Variants in FGF12 observed in about 807,000 individuals in gnomAD.
FGF12 encodes the protein fibroblast growth factor 12.
In FGF12, 14 loss-of-function variants were observed where a neutral mutation model predicts 23.6. The observed-to-expected ratio is 0.59, with a 90% confidence interval of 0.39 to 0.93. The LOEUF (loss-of-function observed/expected upper bound fraction) is 0.93, where lower values mean the gene tolerates loss of function less well. Among genes scored for constraint, FGF12 ranks in the 40% least tolerant of loss-of-function variants. The pLI, the probability that FGF12 is intolerant of heterozygous loss-of-function variation, is 0.00. For synonymous variants in FGF12, 62 were observed against 77.3 expected (o/e 0.80, Z 1.04); for missense variants, 175 against 217.8 (o/e 0.80, Z 1.24).
chr3:192,219,799 C>A (rs933152992), intron 4 of FGF12, among the ~76,000 whole-genome samples: 2 of 152,214 alleles, frequency 1.3e-5, no homozygotes, highest in Admixed American at 6.5e-5. Flanking sequence ...GTAGACCCTG[C>A]ACATCTCTAT....
At chr3:192,222,126 C>T (rs1718505456) in intron 4 of FGF12, among the ~76,000 whole-genome samples, 2 of 151,896 alleles carry the variant, frequency 1.3e-5, no homozygotes, top group African/African-American at 2.4e-5. Flanking sequence ...AAGTGGGAGA[C>T]GAGACTGTAA....
At chr3:192,248,830 C>A (rs1189593936) in intron 4 of FGF12, among the ~76,000 whole-genome samples, 1 of 152,094 alleles carries the variant, frequency 6.6e-6, no homozygotes, top group South Asian at 2.1e-4. Context: ...CTTTAGAAAG[C>A]ATTTTATTTT....
intron 4 of FGF12, among the ~76,000 whole-genome samples, chr3:192,311,923 G>GTCAGTCTATCTA (rs1715959148): frequency 7.9e-6 from 1 of 126,790 alleles, no homozygotes; most frequent in Non-Finnish European, 1.7e-5. Context: ...GCTATTGACT[G>GTCAGTCTATCTA]TCTGTCTATC....
At chr3:192,172,746 G>A (rs570722977) in intron 4 of FGF12, among the ~76,000 whole-genome samples, 1 of 150,800 alleles carries the variant, frequency 6.6e-6, no homozygotes, top group African/African-American at 2.4e-5. Context: ...GCCTCAAAAG[G>A]TTAAACATAC....
chr3:192,668,558 C>G (rs147236974), intron 2 of FGF12, among the ~76,000 whole-genome samples: 1 of 152,102 alleles, frequency 6.6e-6, no homozygotes, highest in Non-Finnish European at 1.5e-5. Context: ...TCGGCTTCTG[C>G]TGGTTTTCTG....
chr3:192,550,103 GTA>G (rs900535457), intron 2 of FGF12, among the ~76,000 whole-genome samples: 71 of 151,138 alleles, frequency 4.7e-4, no homozygotes, highest in African/African-American at 1.6e-3. Flanking sequence ...GTGTGAGTGT[GTA>G]TATATATATG....
chr3:192,350,344 T>C (rs921385393), intron 3 of FGF12, among the ~76,000 whole-genome samples: 2 of 152,022 alleles, frequency 1.3e-5, no homozygotes, highest in African/African-American at 4.8e-5. Context: ...TAAGCAAGTA[T>C]AGGATAGAAT....
chr3:192,639,156 T>C (rs577441680), intron 2 of FGF12, among the ~76,000 whole-genome samples: 2 of 152,116 alleles, frequency 1.3e-5, no homozygotes, highest in Non-Finnish European at 2.9e-5. Context: ...GAATAGACAT[T>C]TCTCCAAAGA....
At position 192,143,846 on chromosome 3, in the gene FGF12, T is replaced by C. The variant is rs1315797473; in HGVS notation, c.*163A>G. 5.6e-6 allele frequency: 3 copies of C among 535,124 alleles called. No homozygotes were observed. Among genetic ancestry groups the C allele is most frequent in the Non-Finnish European group, 1.0e-5 (3 of 300,018 alleles). 33.1% of individuals were successfully genotyped at this position (535,124 alleles called of 1,614,324 possible). On this transcript the variant is annotated 3_prime_UTR_variant, in exon 6 of 6. Transcript: ENST00000445105. ...CAAGCAAGCTTTGGTTCAATTTTCT[T>C]GTCCTACACAAAGGAAGATTTTGAG... is the stretch of plus-strand genomic sequence containing the variant.
At chr3:192,357,666 T>C (rs572609100) in intron 3 of FGF12, among the ~76,000 whole-genome samples, 2 of 152,284 alleles carry the variant, frequency 1.3e-5, no homozygotes, top group South Asian at 4.1e-4. Flanking sequence ...GCTTACTATG[T>C]ATTACAGACC....
At chr3:192,647,667 A>G (rs1056618033) in intron 2 of FGF12, among the ~76,000 whole-genome samples, 1 of 150,440 alleles carries the variant, frequency 6.6e-6, no homozygotes, top group Non-Finnish European at 1.5e-5. Flanking sequence ...GTTTAGAGAA[A>G]TGAAGATACA....
At chr3:192,164,568 G>A (rs1232534372) in intron 5 of FGF12, among the ~76,000 whole-genome samples, 2 of 152,066 alleles carry the variant, frequency 1.3e-5, no homozygotes, top group African/African-American at 2.4e-5. Flanking sequence ...ACACCAGCAG[G>A]ACTGGGATAA....
intron 4 of FGF12, among the ~76,000 whole-genome samples, chr3:192,285,952 C>T (rs377712775): frequency 3.8e-4 from 58 of 152,078 alleles, no homozygotes; most frequent in African/African-American, 1.2e-3. Context: ...CTGTCCCTGA[C>T]GAGACTGCAG....
chr3:192,273,547 A>G (rs1248265027), intron 4 of FGF12, among the ~76,000 whole-genome samples: 14 of 152,102 alleles, frequency 9.2e-5, no homozygotes, highest in Admixed American at 9.2e-4. Flanking sequence ...GTCACGCAGC[A>G]TCTCTTGGCA....
At chr3:192,546,229 T>C (rs1725490861) in intron 2 of FGF12, among the ~76,000 whole-genome samples, 1 of 152,152 alleles carries the variant, frequency 6.6e-6, no homozygotes, top group Non-Finnish European at 1.5e-5. Context: ...GAATGCCTCA[T>C]TATAGAGTAT....
rs1445475372 is a variant in FGF12, at chr3:192,409,245, G to A, written c.14-48707C>T. On this transcript the variant is annotated intron_variant, in intron 2 of 5. Coordinates refer to ENST00000445105, the MANE Select transcript of FGF12 (RefSeq NM_004113.6). This position sits in a 1 kb window ranked among gnomAD's most constrained non-coding sequence, Gnocchi z 4.8. ...TGATTATTTAGGGAATCCTAAATCT[G>A]GAATGACTCAGTAGTTTAAATAAGC... Among the ~76,000 whole-genome samples the A allele has an allele frequency of 6.6e-6, 1 of 152,166 alleles. No homozygotes were observed. Among genetic ancestry groups the A allele is most frequent in the African/African-American group, 2.4e-5 (1 of 41,446 alleles).
chr3:192,418,414 C>A (rs1358467118), intron 2 of FGF12, among the ~76,000 whole-genome samples: 1 of 152,056 alleles, frequency 6.6e-6, no homozygotes, highest in African/African-American at 2.4e-5. Context: ...TTGGGTTTTC[C>A]TTACCAAGTC....
chr3:192,599,269 A>AATAATAATT (rs1553837298), intron 2 of FGF12, among the ~76,000 whole-genome samples: 199 of 148,094 alleles, frequency 1.3e-3, no homozygotes, highest in East Asian at 4.1e-3. Context: ...TAATAATAAT[A>AATAATAATT]ATAATAATAA....
At chr3:192,711,940 CAAA>C (rs60779864) in intron 2 of FGF12, among the ~76,000 whole-genome samples, 1,666 of 50,826 alleles carry the variant, frequency 0.033, 34 homozygotes, top group African/African-American at 0.085. Flanking sequence ...CAAGAACGAT[CAAA>C]AAAAAAAAAA....
Sources: gnomAD v4.1 joint callset for allele counts (sites outside exome capture counted in the v4.1 genomes callset) on GRCh38, gnomAD v4.1.1 for gene constraint, Gnocchi (gnomAD v3.1) non-coding constraint, MANE v1.5 for transcripts, NCBI Gene and HGNC (gene_info 2026-07-23, HGNC 2026-07-21) for gene names.